The following CARMIL1 variants were observed in gnomAD, a reference collection of about 807,000 sequenced individuals.
The protein encoded by CARMIL1 is capping protein regulator and myosin 1 linker 1.
In CARMIL1, 90 loss-of-function variants were observed where a neutral mutation model predicts 177.1. That is an observed-to-expected ratio of 0.51 (90% CI 0.43 to 0.61). The LOEUF is 0.61. CARMIL1 is among the 20% of genes least tolerant of loss of function. CARMIL1 has a pLI of 0.00. For synonymous variants in CARMIL1, 577 were observed against 606.2 expected, an observed-to-expected ratio of 0.95 and a Z score of 0.71; for missense variants, 1,380 against 1,667.0, an observed-to-expected ratio of 0.83 and a Z score of 3.00.
chr6:25,335,485 T>C (rs1786115754), intron 2 of CARMIL1, among the ~76,000 whole-genome samples: 1 of 152,244 alleles, frequency 6.6e-6, no homozygotes, highest in Non-Finnish European at 1.5e-5. Flanking sequence ...TTTCTGTGTA[T>C]AGTTGTACTG....
chr6:25,371,131 T>G (rs1790383172), intron 2 of CARMIL1, among the ~76,000 whole-genome samples: 1 of 152,244 alleles, frequency 6.6e-6, no homozygotes, highest in Admixed American at 6.5e-5. Flanking sequence ...CCATAGTGTA[T>G]ATAGACCACA....
chr6:25,592,523 A>G (rs1332150958), intron 31 of CARMIL1, among the ~76,000 whole-genome samples: 1 of 152,194 alleles, frequency 6.6e-6, no homozygotes, highest in Non-Finnish European at 1.5e-5. Context: ...TCCAATATAA[A>G]GCACCATTCA....
intron 2 of CARMIL1, among the ~76,000 whole-genome samples, chr6:25,402,177 A>T (rs1581815943): frequency 6.7e-6 from 1 of 149,288 alleles, no homozygotes; most frequent in African/African-American, 2.5e-5. Flanking sequence ...TCTTGGGAGG[A>T]AAAAAAAAAG....
rs531952318 is a variant in CARMIL1 at position 25,606,017 on chromosome 6, GCTT to G, written c.3635-40_3635-38del. The stretch of plus-strand genomic sequence containing the variant: ...CCAGACTTCTAGCTTCAAGTTATTG[GCTT>G]CTTTGACCTTTGATTTTTAAAGTGG... On this transcript the variant is annotated intron_variant, in intron 34 of 36. Coordinates refer to ENST00000329474, the MANE Select transcript of CARMIL1 (RefSeq NM_017640.6). 3.1e-4 allele frequency: 437 copies of G among 1,423,572 alleles called. No individual in the cohort carries two copies. The East Asian group carries it at 9.6e-3, about 31-fold the overall frequency. 88.2% of individuals were successfully genotyped at this position (1,423,572 alleles called of 1,614,324 possible).
chr6:25,502,455 T>C (rs1804483995), intron 17 of CARMIL1, among the ~76,000 whole-genome samples: 1 of 151,066 alleles, frequency 6.6e-6, no homozygotes, highest in Admixed American at 6.6e-5. Flanking sequence ...CTTGGGAGGC[T>C]GAGGCAGAGA....
chr6:25,383,483 AT>A (rs1330961355), intron 2 of CARMIL1: 1 of 152,214 alleles, frequency 6.6e-6, no homozygotes. Flanking sequence ...CTATGTTTAA[AT>A]TACTGGTATT....
chr6:25,548,701 G>A (rs946443039), intron 26 of CARMIL1, among the ~76,000 whole-genome samples: 4 of 152,138 alleles, frequency 2.6e-5, no homozygotes, highest in African/African-American at 9.7e-5. Flanking sequence ...AAGAGAACAA[G>A]GGAACAAACT....
chr6:25,390,316 A>T (rs77222039), intron 2 of CARMIL1, among the ~76,000 whole-genome samples: 2,078 of 41,960 alleles, frequency 0.05, 114 homozygotes, highest in East Asian at 0.26. Flanking sequence ...ATATATATAT[A>T]TATATTTTTT....
At chr6:25,346,351 C>T (rs1018372498) in intron 2 of CARMIL1, among the ~76,000 whole-genome samples, 4 of 152,178 alleles carry the variant, frequency 2.6e-5, no homozygotes, top group African/African-American at 7.2e-5. Context: ...TTCCCTCTGC[C>T]TGGAATTCCC....
chr6:25,475,415 A>AG (rs1299526964), intron 11 of CARMIL1, among the ~76,000 whole-genome samples: 1 of 152,130 alleles, frequency 6.6e-6, no homozygotes, highest in African/African-American at 2.4e-5. Context: ...AAAAAAAAAA[A>AG]AGTTAAACTC....
chr6:25,434,658 G>A (rs147970371), intron 4 of CARMIL1, among the ~76,000 whole-genome samples: 160 of 151,656 alleles, frequency 1.1e-3, no homozygotes, highest in South Asian at 5.9e-3. Context: ...TGAGTAGCTG[G>A]GATTACATGG....
intron 26 of CARMIL1, among the ~76,000 whole-genome samples, chr6:25,544,405 A>T (rs553282319): frequency 2.0e-5 from 3 of 151,916 alleles, no homozygotes; most frequent in Non-Finnish European, 4.4e-5. Flanking sequence ...CTCTTTTTTT[A>T]AAAAAAGACC....
intron 5 of CARMIL1, among the ~76,000 whole-genome samples, chr6:25,448,848 T>C (rs1308484877): frequency 3.3e-5 from 5 of 152,146 alleles, no homozygotes; most frequent in Non-Finnish European, 7.4e-5. Flanking sequence ...CATTAAATGA[T>C]TACTCTGTGA....
At chr6:25,541,935 A>AGGCAT (rs1255427163) in intron 26 of CARMIL1, among the ~76,000 whole-genome samples, 13 of 152,240 alleles carry the variant, frequency 8.5e-5, no homozygotes, top group African/African-American at 3.1e-4. Flanking sequence ...CTGGGATTAC[A>AGGCAT]GGCATGAGCC....
Position 25,326,015 on chromosome 6 carries a change from G to A in CARMIL1, c.138+41106G>A, listed in dbSNP as rs1320521110. The stretch of plus-strand genomic sequence containing the variant: ...CTCCCTAGCAGTTGGGACTACAGGC[G>A]CGCACCAGCTCGCCCGGCTAATTTT... On this transcript the variant is annotated intron_variant, in intron 2 of 36. Coordinates refer to ENST00000329474, the MANE Select transcript of CARMIL1 (RefSeq NM_017640.6). The surrounding 1 kb of genome is among the most constrained non-coding windows in gnomAD (Gnocchi z 4.2). Among the ~76,000 whole-genome samples the A allele has an allele frequency of 1.3e-5, 2 of 152,134 alleles. No homozygotes were observed. Among genetic ancestry groups the A allele is most frequent in the African/African-American group, 4.8e-5 (2 of 41,500 alleles).
chr6:25,419,822 C>T (rs1173809272), intron 2 of CARMIL1, among the ~76,000 whole-genome samples: 2 of 152,104 alleles, frequency 1.3e-5, no homozygotes, highest in Non-Finnish European at 2.9e-5. Flanking sequence ...ATCACAGAGA[C>T]CTGTTTTACT....
rs374090147 is a variant in CARMIL1, at chr6:25,340,542, G to A, written c.138+55633G>A. Among the ~76,000 whole-genome samples the A allele has an allele frequency of 3.3e-5, 5 of 152,224 alleles. No individual in the cohort carries two copies. In the East Asian group the frequency reaches 7.7e-4, roughly 24 times the overall value. On this transcript the variant is annotated intron_variant, in intron 2 of 36. Transcript: ENST00000329474. ...GAGACCAAAGAGCAGAGTACATAAT[G>A]CCCAGATAGGCCAATTCATGTAGCT...
At chr6:25,459,267 T>TTTCTTTCTTTCTTTCTTTCTTTCTTTC (rs1491449277) in intron 8 of CARMIL1, among the ~76,000 whole-genome samples, 2 of 109,468 alleles carry the variant, frequency 1.8e-5, no homozygotes, top group African/African-American at 3.4e-5. Context: ...TCTTTCTTTC[T>TTTCTTTCTTTCTTTCTTTCTTTCTTTC]TTTTTTTTTT....
In CARMIL1 at chr6:25,386,989, G is replaced by C. The variant is rs140533080; in HGVS notation, c.139-33125G>C. ...CCACAAAAATACAAAAATTAGCCAG[G>C]CATGATGGCCGGTGCCTGTAATCTC... On this transcript the variant is annotated intron_variant, in intron 2 of 36. Coordinates refer to ENST00000329474, the MANE Select transcript of CARMIL1 (RefSeq NM_017640.6). 5.3e-3 allele frequency among the ~76,000 whole-genome samples: 804 copies of C among 151,874 alleles called. 7 individuals carry two copies. Among genetic ancestry groups the C allele is most frequent in the African/African-American group, 0.012 (513 of 41,396 alleles).
Sources: gnomAD v4.1 joint callset for allele counts (sites outside exome capture counted in the v4.1 genomes callset) on GRCh38, gnomAD v4.1.1 for gene constraint, Gnocchi (gnomAD v3.1) non-coding constraint, MANE v1.5 for transcripts, NCBI Gene and HGNC (gene_info 2026-07-23, HGNC 2026-07-21) for gene names.